The following FBXL2 variants were observed in gnomAD, a reference collection of about 807,000 sequenced individuals.
FBXL2 encodes F-box and leucine rich repeat protein 2, also known as F-box/LRR-repeat protein 2.
Under a neutral mutation model 69.2 loss-of-function variants are expected in FBXL2, and 38 were observed. The observed-to-expected ratio is 0.55, with a 90% CI of 0.42 to 0.72. The LOEUF is 0.72. Among genes scored for constraint, FBXL2 ranks in the 30% least tolerant of loss-of-function variants. FBXL2 has a pLI of 0.00. For synonymous variants in FBXL2, 192 were observed against 201.3 expected, an observed-to-expected ratio of 0.95 and a Z score of 0.39; for missense variants, 354 against 520.3, an observed-to-expected ratio of 0.68 and a Z score of 3.11.
Position 33,375,302 on chromosome 3 carries a change from A to G in FBXL2, c.672A>G (p.Glu224=), listed in dbSNP as rs762368903. The change falls in exon 10 of 15, where the codon GAA becomes GAG. Residue 224 remains glutamate (E), a synonymous_variant. Coordinates refer to ENST00000484457, the MANE Select transcript of FBXL2 (RefSeq NM_012157.5). ...CTTTTCCTCAGCGTATCACGGATGA[A>G]GGTGTGGTGCAGATATGCAGGGGCT... ...NLQSCSRITD[E]GVVQICRGCH... The G allele has an allele frequency of 2.5e-6, 4 of 1,613,782 alleles. No individual in the cohort carries two copies. The highest frequency in any genetic ancestry group is 1.1e-5 in the South Asian group (1 of 91,056).
At chr3:33,368,317 T>C (rs1249081059) in intron 5 of FBXL2, among the ~76,000 whole-genome samples, 1 of 152,252 alleles carries the variant, frequency 6.6e-6, no homozygotes, top group Non-Finnish European at 1.5e-5. Context: ...CCTATAATTT[T>C]GCATTTGTCT....
At chr3:33,412,710 C>G in the FBXL2 span, 2 of 1,555,386 alleles carry the variant, frequency 1.3e-6, no homozygotes, top group African/African-American at 2.7e-5. Context: ...GTCTTTTGAT[C>G]ACTGCCTGTA....
At chr3:33,389,895 C>T (rs946656742), downstream of FBXL2, 5 of 165,034 alleles carry the variant, frequency 3.0e-5, no homozygotes, top group South Asian at 1.8e-4. Context: ...CACAACAGCA[C>T]TGTCCCCCAT....
At chr3:33,288,396 CAG>C (rs1459797301) in intron 1 of FBXL2, among the ~76,000 whole-genome samples, 6 of 151,924 alleles carry the variant, frequency 3.9e-5, no homozygotes, top group Non-Finnish European at 8.8e-5. Flanking sequence ...GGCAGGGAGA[CAG>C]ATAATAAACA....
At chr3:33,277,659 G>A in intron 1 of FBXL2, 144 bp downstream of exon 1, 1 of 903,272 alleles carries the variant, frequency 1.1e-6, no homozygotes, top group Non-Finnish European at 1.5e-6. Context: ...GCTGGGCAGG[G>A]CAGGGCTGGG....
the FBXL2 span, chr3:33,408,835 A>C: frequency 6.5e-7 from 1 of 1,548,734 alleles, no homozygotes; most frequent in Non-Finnish European, 8.9e-7. Flanking sequence ...ATGTCTTTTC[A>C]TTATACAAAG....
chr3:33,390,661 AGT>A, downstream of FBXL2: 1 of 443,700 alleles, frequency 2.3e-6, no homozygotes, highest in Non-Finnish European at 4.1e-6. Context: ...ACACAATAAT[AGT>A]GCTGTCCATA....
chr3:33,405,948 T>A (rs1175664985), downstream of FBXL2, among the ~76,000 whole-genome samples: 26 of 152,158 alleles, frequency 1.7e-4, no homozygotes, highest in Admixed American at 1.6e-3. Context: ...TACCCAATTA[T>A]GTATCTCCTT....
chr3:33,328,767 C>T (rs961117266), intron 2 of FBXL2, among the ~76,000 whole-genome samples: 1 of 151,382 alleles, frequency 6.6e-6, no homozygotes, highest in African/African-American at 2.4e-5. Context: ...GGAAACACTC[C>T]AGGACGTTGG....
At chr3:33,313,265 A>G (rs769784158) in intron 2 of FBXL2, among the ~76,000 whole-genome samples, 8 of 150,958 alleles carry the variant, frequency 5.3e-5, no homozygotes, top group Middle Eastern at 3.4e-3. Context: ...TTTTTTTTTT[A>G]ATTTTAAACT....
chr3:33,346,997 G>A (rs1017043150), intron 2 of FBXL2, among the ~76,000 whole-genome samples: 1 of 152,114 alleles, frequency 6.6e-6, no homozygotes, highest in Non-Finnish European at 1.5e-5. Context: ...GTATGTTTAA[G>A]TGTAGAATTT....
chr3:33,317,272 G>A (rs1048622300), intron 2 of FBXL2, among the ~76,000 whole-genome samples: 4 of 151,910 alleles, frequency 2.6e-5, no homozygotes, highest in Non-Finnish European at 4.4e-5. Flanking sequence ...CCCGCCTCTC[G>A]CACCGTGTTG....
chr3:33,369,905 GC>G (rs1377332345), intron 5 of FBXL2, among the ~76,000 whole-genome samples: 6 of 152,138 alleles, frequency 3.9e-5, no homozygotes, highest in African/African-American at 1.4e-4. Flanking sequence ...GAGCCACAGT[GC>G]CCGGCCTATT....
chr3:33,287,302 A>G (rs1233964680), intron 1 of FBXL2, among the ~76,000 whole-genome samples: 1 of 152,140 alleles, frequency 6.6e-6, no homozygotes. Context: ...TCTCTTGACA[A>G]TATTCATCTC....
intron 5 of FBXL2, among the ~76,000 whole-genome samples, chr3:33,371,375 T>TACA (rs2042298432): frequency 6.6e-6 from 1 of 151,358 alleles, no homozygotes; most frequent in African/African-American, 2.4e-5. Flanking sequence ...TTCACCATGT[T>TACA]GGCCAGGCTG....
At chr3:33,378,762 C>T (rs1278298705) in intron 13 of FBXL2, 21 bp downstream of exon 13, 3 of 1,614,030 alleles carry the variant, frequency 1.9e-6, no homozygotes, top group South Asian at 1.1e-5. Context: ...GTTTTTCTGA[C>T]ATTATTCACC....
intron 1 of FBXL2, among the ~76,000 whole-genome samples, chr3:33,285,686 C>T (rs1246333113): frequency 2.0e-5 from 3 of 152,158 alleles, no homozygotes; most frequent in Non-Finnish European, 2.9e-5. Flanking sequence ...ACCAATCAGA[C>T]GTAGATTTGG....
At chr3:33,379,112 A>G (rs1253601252) in intron 13 of FBXL2, among the ~76,000 whole-genome samples, 1 of 151,986 alleles carries the variant, frequency 6.6e-6, no homozygotes, top group African/African-American at 2.4e-5. Context: ...GGTTCAAGCA[A>G]TTCTCCTCCT....
chr3:33,373,434 G>T (rs2042426429), intron 7 of FBXL2, 79 bp downstream of exon 7: 2 of 1,509,596 alleles, frequency 1.3e-6, no homozygotes, highest in South Asian at 1.1e-5. Context: ...TGGTCACGTT[G>T]GATCCAGCAA....
Sources: allele counts gnomAD v4.1 joint callset (sites outside exome capture counted in the v4.1 genomes callset), GRCh38; gene constraint gnomAD v4.1.1; transcripts MANE v1.5; gene names NCBI Gene and HGNC (gene_info 2026-07-23, HGNC 2026-07-21).